Variants in AFF3 observed in about 807,000 individuals in gnomAD.
AFF3 encodes ALF transcription elongation factor 3, also known as AF4/FMR2 family member 3.
In AFF3, 32 loss-of-function variants were observed where a neutral mutation model predicts 129.7. The ratio of observed to expected loss-of-function variants is 0.25; its 90% CI spans 0.19 to 0.33. The LOEUF (loss-of-function observed/expected upper bound fraction) is 0.33, where lower values mean the gene tolerates loss of function less well. Among genes scored for constraint, AFF3 ranks in the 10% least tolerant of loss-of-function variants. AFF3 has a pLI of 1.00. For missense variants in AFF3, 1,373 were observed against 1,592.0 expected (o/e 0.86, Z 2.34); for synonymous variants, 644 against 635.4 (o/e 1.01, Z -0.20).
At chr2:99,898,650 T>C (rs965620303) in intron 7 of AFF3, among the ~76,000 whole-genome samples, 2 of 152,194 alleles carry the variant, frequency 1.3e-5, no homozygotes, top group African/African-American at 4.8e-5. Flanking sequence ...GGGGCTGCCA[T>C]GGGTCGCCTC....
At chr2:99,665,110 T>G (rs575203318) in intron 12 of AFF3, among the ~76,000 whole-genome samples, 1 of 152,118 alleles carries the variant, frequency 6.6e-6, no homozygotes, top group African/African-American at 2.4e-5. Context: ...ATGAGCTCAG[T>G]GTGAAGATGA....
chr2:99,903,172 T>C (rs534918871), intron 7 of AFF3, among the ~76,000 whole-genome samples: 1 of 152,304 alleles, frequency 6.6e-6, no homozygotes, highest in South Asian at 2.1e-4. Context: ...TATAAGACAC[T>C]ACCACGTTGT....
chr2:99,896,089 A>C (rs1047996133), intron 7 of AFF3, among the ~76,000 whole-genome samples: 4 of 151,590 alleles, frequency 2.6e-5, no homozygotes, highest in Non-Finnish European at 5.9e-5. Flanking sequence ...AAAAAAAAAA[A>C]AAAGCTATCT....
At position 99,593,730 on chromosome 2, in the gene AFF3, G is replaced by C; in HGVS notation, c.1931C>G (p.Ser644Cys). Residue 644 changes from serine to cysteine, a missense_variant, in exon 15 of 25, where the codon TCC becomes TGC. Coordinates refer to ENST00000672756, the MANE Select transcript of AFF3 (RefSeq NM_001386135.1). ...CGTGCGGCGCTTCTCGCAGGTCACG[G>C]AGGAGCGCAGCTCCTTGCGGTGGCT... is the stretch of plus-strand genomic sequence containing the variant. ...RASHRKELRS[S>C]VTCEKRRTRG... 1 of 1,612,770 alleles carries C rather than the reference G, an allele frequency of 6.2e-7. No homozygotes were observed. Among genetic ancestry groups the C allele is most frequent in the Non-Finnish European group, 8.5e-7 (1 of 1,179,626 alleles).
At chr2:100,064,786 C>T (rs1687584993) in intron 4 of AFF3, among the ~76,000 whole-genome samples, 1 of 152,212 alleles carries the variant, frequency 6.6e-6, no homozygotes, top group South Asian at 2.1e-4. Flanking sequence ...TTCTAATATG[C>T]AACGTATTAA....
intron 11 of AFF3, among the ~76,000 whole-genome samples, chr2:99,712,897 C>T (rs7599573): frequency 0.26 from 39,811 of 152,146 alleles, 5,358 homozygotes; most frequent in African/African-American, 0.3. Flanking sequence ...TGGAATATTA[C>T]TCAGCCTTAA....
At chr2:99,680,798 A>G (rs1674452422) in intron 11 of AFF3, among the ~76,000 whole-genome samples, 1 of 152,238 alleles carries the variant, frequency 6.6e-6, no homozygotes, top group Admixed American at 6.5e-5. Flanking sequence ...AATTGCTAAA[A>G]GAGTCCCTAA....
intron 18 of AFF3, among the ~76,000 whole-genome samples, chr2:99,574,180 G>A (rs1040829757): frequency 7.9e-5 from 12 of 152,108 alleles, no homozygotes; most frequent in Admixed American, 3.3e-4. Flanking sequence ...TTACAGATCC[G>A]TTTTTTAAAC....
intron 4 of AFF3, among the ~76,000 whole-genome samples, chr2:100,042,548 C>T (rs1685527924): frequency 6.6e-6 from 1 of 152,156 alleles, no homozygotes; most frequent in African/African-American, 2.4e-5. Flanking sequence ...GACATGGCAG[C>T]CTACCCACTG....
chr2:99,722,061 T>C (rs977964059), intron 11 of AFF3, among the ~76,000 whole-genome samples: 1 of 152,244 alleles, frequency 6.6e-6, no homozygotes, highest in Non-Finnish European at 1.5e-5. Context: ...TTATTTCAAA[T>C]GTTACATTTT....
At chr2:100,136,708 T>C (rs1437560257) in intron 1 of AFF3, among the ~76,000 whole-genome samples, 1 of 152,192 alleles carries the variant, frequency 6.6e-6, no homozygotes, top group African/African-American at 2.4e-5. Flanking sequence ...AAAAGTATCC[T>C]GGTTATTCTT....
intron 7 of AFF3, among the ~76,000 whole-genome samples, chr2:99,878,195 A>G (rs1337526900): frequency 4.6e-5 from 7 of 152,232 alleles, no homozygotes; most frequent in Admixed American, 2.0e-4. Context: ...AATATTCTCT[A>G]GGTCATCCGT....
At chr2:99,657,958 A>C (rs1251603084) in intron 12 of AFF3, among the ~76,000 whole-genome samples, 1 of 152,218 alleles carries the variant, frequency 6.6e-6, no homozygotes, top group Non-Finnish European at 1.5e-5. Flanking sequence ...TGAGAGAGAC[A>C]TACTTATTTT....
intron 7 of AFF3, among the ~76,000 whole-genome samples, chr2:99,894,526 T>C (rs1693796775): frequency 1.3e-5 from 2 of 151,302 alleles, no homozygotes; most frequent in African/African-American, 4.9e-5. Context: ...TGGAGTGCAG[T>C]GGCGCGATCT....
At chr2:99,750,510 G>A (rs908901853) in intron 9 of AFF3, among the ~76,000 whole-genome samples, 1 of 150,768 alleles carries the variant, frequency 6.6e-6, no homozygotes, top group Non-Finnish European at 1.5e-5. Context: ...GACCTCCTGG[G>A]CTTAAGTGAT....
Position 99,836,421 on chromosome 2 carries a change from C to T in AFF3, c.921+1056G>A, listed in dbSNP as rs191883708. 3.6e-3 allele frequency among the ~76,000 whole-genome samples: 543 copies of T among 152,062 alleles called. 9 individuals are homozygous for T. Among genetic ancestry groups the T allele is most frequent in the Admixed American group, 0.032 (493 of 15,274 alleles). On this transcript the variant is annotated intron_variant, in intron 8 of 24. Transcript: ENST00000672756. The stretch of plus-strand genomic sequence containing the variant: ...ATTTTATTTAACATATACTTATATA[C>T]CAGAAATGAAGCTGCCTGTTTTGAC...
intron 4 of AFF3, among the ~76,000 whole-genome samples, chr2:100,069,330 A>AG (rs200735435): frequency 1.6e-4 from 24 of 152,272 alleles, no homozygotes; most frequent in African/African-American, 5.8e-4. Context: ...TACCCTCCAG[A>AG]GGGGGGTCCA....
intron 8 of AFF3, 42 bp downstream of exon 8, chr2:99,837,435 A>G (rs780906307): frequency 1.3e-6 from 2 of 1,579,062 alleles, no homozygotes; most frequent in Middle Eastern, 1.7e-4. Context: ...TTTAGAGTCT[A>G]TGTCCCACAG....
At chr2:100,133,721 A>G (rs1383475416) in intron 1 of AFF3, among the ~76,000 whole-genome samples, 1 of 152,138 alleles carries the variant, frequency 6.6e-6, no homozygotes, top group Non-Finnish European at 1.5e-5. Context: ...TCATGAGGTC[A>G]GGAGATCGAG....
Sources: allele counts gnomAD v4.1 joint callset (sites outside exome capture counted in the v4.1 genomes callset), GRCh38; gene constraint gnomAD v4.1.1; transcripts MANE v1.5; gene names NCBI Gene and HGNC (gene_info 2026-07-23, HGNC 2026-07-21).